Variants in IRAK3 observed in about 807,000 individuals in gnomAD.
IRAK3 encodes the protein interleukin-1 receptor-associated kinase 3.
A neutral mutation model predicts 56.6 loss-of-function variants in IRAK3; 57 were observed. The observed-to-expected ratio is 1.01, with a 90% CI of 0.81 to 1.26. IRAK3 has a LOEUF of 1.26. Among genes scored for constraint, IRAK3 ranks in the 50% most tolerant of loss-of-function variants. IRAK3 has a pLI of 0.00. For synonymous variants in IRAK3, 258 were observed against 255.7 expected (o/e 1.01, Z -0.09); for missense variants, 703 against 719.0 (o/e 0.98, Z 0.25).
At chr12:66,201,890 A>G (rs1159793841) in intron 1 of IRAK3, among the ~76,000 whole-genome samples, 2 of 152,158 alleles carry the variant, frequency 1.3e-5, no homozygotes, top group Non-Finnish European at 2.9e-5. Flanking sequence ...TAATAACCAC[A>G]CTGAAGGGGT....
chr12:66,225,122 A>G (rs1425141713), intron 6 of IRAK3, among the ~76,000 whole-genome samples: 1 of 152,098 alleles, frequency 6.6e-6, no homozygotes, highest in Non-Finnish European at 1.5e-5. Context: ...AGAGTAGAGC[A>G]CCAGGCCGTG....
At chr12:66,217,124 A>G in intron 5 of IRAK3, 47 bp from the exon 6 acceptor site, 1 of 1,385,276 alleles carries the variant, frequency 7.2e-7, no homozygotes, top group Non-Finnish European at 1.0e-6. Flanking sequence ...AGAATCCCAG[A>G]AACAGATCCT....
In IRAK3 at chr12:66,203,826, C is replaced by T. The variant is rs200154463; in HGVS notation, c.249C>T (p.Ile83=). Residue 83 remains isoleucine, a synonymous_variant, in exon 2 of 12, where the codon ATC becomes ATT. Transcript: ENST00000261233. ...LWSWAQKNKT[I]GDLLQVLQEM... is the part of the protein sequence containing the mutation. ...CCTGGGCACAGAAAAACAAGACCAT[C>T]GGTGACCTTTTACAGGTCCTCCAGG... The T allele has an allele frequency of 1.2e-5, 20 of 1,613,910 alleles. No homozygotes were observed. The highest frequency in any genetic ancestry group is 4.5e-5 in the East Asian group (2 of 44,872).
At chr12:66,233,528 A>AAG (rs2136943644) in intron 8 of IRAK3, among the ~76,000 whole-genome samples, 1 of 151,888 alleles carries the variant, frequency 6.6e-6, no homozygotes, top group Non-Finnish European at 1.5e-5. Context: ...GGAAAAAAAA[A>AAG]AAGGCCGGAA....
Position 66,211,458 on chromosome 12 carries a change from A to T in IRAK3, c.449A>T (p.Lys150Ile). 6.3e-7 allele frequency: 1 copy of T among 1,599,076 alleles called. No individual in the cohort carries two copies. Among genetic ancestry groups the T allele is most frequent in the Non-Finnish European group, 8.6e-7 (1 of 1,166,224 alleles). ...TTTCCTTCCTAAGGAATACTGCTTA[A>T]ATCTTCCATCAGCTTTCAAAATATC... Reference protein sequence around the residue: ...PEHNEKGILLKSSISFQNIIE... With the variant: ...PEHNEKGILLISSISFQNIIE... Residue 150 changes from lysine to isoleucine, a missense_variant, in exon 5 of 12, where the codon AAA becomes ATA. Transcript: ENST00000261233.
chr12:66,218,503 C>G (rs754770059), intron 6 of IRAK3, among the ~76,000 whole-genome samples: 3 of 152,030 alleles, frequency 2.0e-5, no homozygotes, highest in Non-Finnish European at 4.4e-5. Context: ...TAAGTTATAC[C>G]AATTTACTTT....
At chr12:66,219,823 A>G (rs778422485) in intron 6 of IRAK3, among the ~76,000 whole-genome samples, 5 of 152,168 alleles carry the variant, frequency 3.3e-5, no homozygotes, top group Non-Finnish European at 5.9e-5. Flanking sequence ...ATCTTTTCAT[A>G]TACCTCTTAG....
rs1189799866 is a variant in IRAK3, at chr12:66,189,375, G to C, written c.76G>C (p.Gly26Arg). ...LLFDLPPALL[G>R]ELCAVLDSCD... ...GTTCGACCTGCCGCCCGCGCTGCTC[G>C]GAGAGCTCTGCGCTGTTCTGGACAG... is the stretch of plus-strand genomic sequence containing the variant. The change falls in exon 1 of 12, where the codon GGA becomes CGA. Residue 26 changes from glycine to arginine, a missense_variant. Physicochemically the swap from Gly to Arg is moderately radical, Grantham distance 125 (BLOSUM62 -2). Coordinates refer to ENST00000261233, the MANE Select transcript of IRAK3 (RefSeq NM_007199.3). The C allele has an allele frequency of 5.9e-6, 9 of 1,529,618 alleles. No homozygotes were observed. In the Admixed American group the frequency reaches 9.8e-5, roughly 17 times the overall value. 94.8% of individuals were successfully genotyped at this position (1,529,618 alleles called of 1,614,324 possible). A position where few individuals can be genotyped will look rare whatever the true frequency, so the allele number is the denominator to read the frequency against.
chr12:66,209,372 A>G (rs932464533), intron 2 of IRAK3, 84 bp from the exon 3 acceptor site: 3 of 788,164 alleles, frequency 3.8e-6, no homozygotes, highest in Non-Finnish European at 6.9e-6. Context: ...GGCTAGCAAG[A>G]CATTTATTTT....
chr12:66,239,766 A>G (rs1405921838), intron 8 of IRAK3, among the ~76,000 whole-genome samples: 1 of 152,220 alleles, frequency 6.6e-6, no homozygotes, highest in Non-Finnish European at 1.5e-5. Context: ...ACAATTAAAT[A>G]TGACATAAAT....
At chr12:66,194,568 C>T (rs2052431351) in intron 1 of IRAK3, among the ~76,000 whole-genome samples, 3 of 152,116 alleles carry the variant, frequency 2.0e-5, no homozygotes, top group African/African-American at 4.8e-5. Context: ...TGGTTCACGC[C>T]GGTAATCCCA....
chr12:66,237,830 T>A (rs1354294470), intron 8 of IRAK3, among the ~76,000 whole-genome samples: 1 of 152,240 alleles, frequency 6.6e-6, no homozygotes, highest in Non-Finnish European at 1.5e-5. Flanking sequence ...GGAGGATAAA[T>A]GTTATGGCAA....
chr12:66,204,668 T>C (rs1036206138), intron 2 of IRAK3, among the ~76,000 whole-genome samples: 1 of 152,316 alleles, frequency 6.6e-6, no homozygotes. Flanking sequence ...TTGGAAACTC[T>C]TTTGAATCAA....
At chr12:66,233,040 A>G (rs1449874068) in intron 8 of IRAK3, among the ~76,000 whole-genome samples, 1 of 151,742 alleles carries the variant, frequency 6.6e-6, no homozygotes, top group African/African-American at 2.4e-5. Flanking sequence ...AATTTCAGCA[A>G]CTTTTATTGA....
At chr12:66,223,658 C>CA (rs76115473) in intron 6 of IRAK3, among the ~76,000 whole-genome samples, 1,545 of 115,158 alleles carry the variant, frequency 0.013, 4 homozygotes, top group East Asian at 0.019. Context: ...GACTCCGTCT[C>CA]AAAAAAAAAA....
intron 2 of IRAK3, 131 bp downstream of exon 2, chr12:66,204,024 T>C: frequency 1.3e-6 from 1 of 797,926 alleles, no homozygotes; most frequent in African/African-American, 1.7e-5. Context: ...GTGGCTTTTA[T>C]CTGGAAGGGA....
chr12:66,192,117 C>A (rs2052405578), intron 1 of IRAK3, among the ~76,000 whole-genome samples: 1 of 152,142 alleles, frequency 6.6e-6, no homozygotes, highest in South Asian at 2.1e-4. Flanking sequence ...TTGTCAAGCC[C>A]CAGGAGTGAG....
At chr12:66,233,535 G>A (rs1332948176) in intron 8 of IRAK3, among the ~76,000 whole-genome samples, 3 of 146,654 alleles carry the variant, frequency 2.0e-5, no homozygotes, top group Non-Finnish European at 3.0e-5. Flanking sequence ...AAAAAAGGCC[G>A]GAAAGCTAAG....
chr12:66,234,497 A>G (rs2052881285), intron 8 of IRAK3: 1 of 1,611,786 alleles, frequency 6.2e-7, no homozygotes. Context: ...TCCGTTTTGT[A>G]TAGCAGCTGT....
Sources: gnomAD v4.1 joint callset for allele counts (sites outside exome capture counted in the v4.1 genomes callset) on GRCh38, gnomAD v4.1.1 for gene constraint, MANE v1.5 for transcripts, NCBI Gene and HGNC (gene_info 2026-07-23, HGNC 2026-07-21) for gene names.